Variants in DOK7 observed in about 807,000 individuals in gnomAD.
DOK7 encodes the protein protein Dok-7.
Under a neutral mutation model 30.7 loss-of-function variants are expected in DOK7, and 32 were observed. That is an observed-to-expected ratio of 1.04 (90% CI 0.79 to 1.40). DOK7 has a LOEUF of 1.40. Among genes scored for constraint, DOK7 ranks in the 40% most tolerant of loss-of-function variants. The pLI is 0.00. For missense variants in DOK7, 1,007 were observed against 699.2 expected (o/e 1.44, Z -4.97); for synonymous variants, 447 against 324.1 (o/e 1.38, Z -4.07).
chr4:3,492,932 A>G lies in DOK7; in HGVS notation c.946A>G (p.Arg316Gly), dbSNP rs898373845. ...CGGGGAAGCCATGGTGGGTGCCTCA[A>G]GGCCACCCCCCAAGCCGCTGCGTCC... ...AAGEAMVGASRPPPKPLRPRQ... is the reference protein window; with the variant it reads ...AAGEAMVGASGPPPKPLRPRQ... Residue 316 changes from arginine (R) to glycine (G), a missense_variant, in exon 7 of 7, where the codon AGG becomes GGG. Transcript: ENST00000340083. 2.6e-5 allele frequency: 40 copies of G among 1,559,038 alleles called. No individual in the cohort carries two copies. Among genetic ancestry groups the G allele is most frequent in the Non-Finnish European group, 3.3e-5 (38 of 1,155,476 alleles).
chr4:3,467,594 C>T (rs1362029232), intron 2 of DOK7, among the ~76,000 whole-genome samples: 1 of 151,854 alleles, frequency 6.6e-6, no homozygotes, highest in East Asian at 1.9e-4. Context: ...TACATGTGCA[C>T]CTGTACACAC....
chr4:3,500,330 C>T lies in DOK7; in HGVS notation c.1188C>T (p.Pro396=), dbSNP rs143778632. ...AGTCGCCCACTTACGTGAACATCCC[C>T]GTCAGCCCATCCTCCAGAAAGCAGC... Residue 396 remains proline, a synonymous_variant, in exon 7 of 8, where the codon CCC becomes CCT. Coordinates refer to the DOK7 transcript ENST00000643608. 20,869 of 1,535,922 alleles carry T rather than the reference C, an allele frequency of 0.014. 189 individuals carry two copies. Among genetic ancestry groups the T allele is most frequent in the Non-Finnish European group, 0.016 (18,317 of 1,146,798 alleles).
chr4:3,484,660 C>A (rs574040605), intron 4 of DOK7: 4 of 985,592 alleles, frequency 4.1e-6, no homozygotes, highest in South Asian at 9.4e-5. Flanking sequence ...TGACGCTGGG[C>A]TGGTCCCTGG....
At position 3,493,674 on chromosome 4, in the gene DOK7, G is replaced by T; in HGVS notation, c.*173G>T. 2 of 1,451,006 alleles carry T rather than the reference G, an allele frequency of 1.4e-6. No homozygotes were observed. The highest frequency in any genetic ancestry group is 1.8e-6 in the Non-Finnish European group (2 of 1,102,242). The allele number at this position is 1,451,006 out of a possible 1,614,324, so 89.9% of individuals were successfully genotyped here. On this transcript the variant is annotated 3_prime_UTR_variant, in exon 7 of 7. Coordinates refer to ENST00000340083, the MANE Select transcript of DOK7 (RefSeq NM_173660.5). ...CCCTGTGGCTGCCACCGGAGGAAGG[G>T]GCTGACTTGGGGAGGTGAGTTCTGG...
chr4:3,500,150 G>GAGGAGGGGCT, intron 6 of DOK7: 1 of 1,384,490 alleles, frequency 7.2e-7, no homozygotes, highest in East Asian at 2.5e-5. Flanking sequence ...GCGGAGTGGG[G>GAGGAGGGGCT]AGGAGGGGCT....
At chr4:3,496,624 G>A (rs551835965), downstream of DOK7, among the ~76,000 whole-genome samples, 27 of 152,274 alleles carry the variant, frequency 1.8e-4, no homozygotes, top group South Asian at 3.3e-3. Context: ...TGGGTGGCCC[G>A]GAGATCTGGG....
Position 3,478,649 on chromosome 4 carries a change from G to A in DOK7, c.532+2107G>A, listed in dbSNP as rs944606070. On this transcript the variant is annotated intron_variant, in intron 4 of 6. Transcript: ENST00000340083. Reference sequence around the variant, plus strand: ...CTCAGTGCTGAATGTTCTCGTCCCCGGTGGTACCCTGGCCTGAGAGAGGAA... The same window carrying A: ...CTCAGTGCTGAATGTTCTCGTCCCCAGTGGTACCCTGGCCTGAGAGAGGAA... Among the ~76,000 whole-genome samples, 4 of 98,156 alleles carry A rather than the reference G, an allele frequency of 4.1e-5. No homozygotes were observed. The South Asian group carries it at 1.1e-3, about 26-fold the overall frequency. The allele number at this position is 98,156 out of a possible 152,430, so 64.4% of individuals were successfully genotyped here.
At chr4:3,499,245 C>A (rs1338707236), downstream of DOK7, among the ~76,000 whole-genome samples, 1 of 152,192 alleles carries the variant, frequency 6.6e-6, no homozygotes, top group African/African-American at 2.4e-5. Flanking sequence ...TGGATCCCAG[C>A]CCCCACCTGA....
intron 2 of DOK7, among the ~76,000 whole-genome samples, chr4:3,464,302 G>C (rs1726147464): frequency 6.6e-6 from 1 of 152,214 alleles, no homozygotes; most frequent in South Asian, 2.1e-4. Context: ...ACGGGTGTCT[G>C]TGACTCCCAG....
chr4:3,473,258 C>A (rs553285053), intron 2 of DOK7, 148 bp from the exon 3 acceptor site: 2 of 706,964 alleles, frequency 2.8e-6, no homozygotes, highest in African/African-American at 1.8e-5. Flanking sequence ...TTTTGTATGC[C>A]GGGAGTCGAA....
chr4:3,465,926 C>T (rs568935395), intron 2 of DOK7, among the ~76,000 whole-genome samples: 1 of 152,214 alleles, frequency 6.6e-6, no homozygotes, highest in Admixed American at 6.5e-5. Context: ...TCTTCTTCCT[C>T]CCAGGTGCGG....
In DOK7 at chr4:3,485,601, A is replaced by G; in HGVS notation, c.595A>G (p.Ile199Val). The change falls in exon 5 of 7, where the codon ATC becomes GTC. Residue 199 changes from isoleucine to valine, a missense_variant. Ile to Val is a conservative substitution (Grantham distance 29, BLOSUM62 3). Transcript: ENST00000340083. ...GEQISFLFDC[I>V]VRGISPTKGP... Reference sequence around the variant, plus strand: ...GCAGATCAGCTTCCTGTTCGACTGCATCGTCCGAGGCATCTCCCCCACCAA... The same window carrying G: ...GCAGATCAGCTTCCTGTTCGACTGCGTCGTCCGAGGCATCTCCCCCACCAA... 1 of 1,607,734 alleles carries G rather than the reference A, an allele frequency of 6.2e-7. No homozygotes were observed. Among genetic ancestry groups the G allele is most frequent in the Non-Finnish European group, 8.5e-7 (1 of 1,176,882 alleles).
At chr4:3,483,545 C>T (rs1227524554) in intron 4 of DOK7, among the ~76,000 whole-genome samples, 6 of 152,178 alleles carry the variant, frequency 3.9e-5, no homozygotes, top group East Asian at 1.9e-4. Flanking sequence ...CCGAGGCTGG[C>T]GGTGGGCTGT....
intron 2 of DOK7, among the ~76,000 whole-genome samples, chr4:3,468,889 G>C (rs904656917): frequency 1.4e-4 from 20 of 147,368 alleles, no homozygotes; most frequent in African/African-American, 5.0e-4. Flanking sequence ...GAGTGTGCCT[G>C]TGTATGTGTG....
In DOK7 at chr4:3,493,614, C is replaced by A; in HGVS notation, c.*113C>A. On this transcript the variant is annotated 3_prime_UTR_variant, in exon 7 of 7. Coordinates refer to ENST00000340083, the MANE Select transcript of DOK7 (RefSeq NM_173660.5). Reference sequence around the variant, plus strand: ...GTGCTCTGTGTTCTGTGGGAGGGACCGGGGGTCTCCCGGAGAGGGGAGCTG... The same window carrying A: ...GTGCTCTGTGTTCTGTGGGAGGGACAGGGGGTCTCCCGGAGAGGGGAGCTG... 1 of 1,507,342 alleles carries A rather than the reference C, an allele frequency of 6.6e-7. No homozygotes were observed. Among genetic ancestry groups the A allele is most frequent in the Non-Finnish European group, 8.9e-7 (1 of 1,125,226 alleles). The allele number at this position is 1,507,342 out of a possible 1,614,324, so 93.4% of individuals were successfully genotyped here. A position where few individuals can be genotyped will look rare whatever the true frequency, so the allele number is the denominator to read the frequency against.
downstream of DOK7, among the ~76,000 whole-genome samples, chr4:3,494,997 G>A (rs1728826978): frequency 1.3e-5 from 2 of 152,224 alleles, no homozygotes; most frequent in Admixed American, 6.5e-5. Context: ...ACTCTGAGCG[G>A]GGAGTTCTGG....
rs1728421733 is a variant in DOK7, at chr4:3,491,381, C to CATTCATTCCTTCCTTCTCCCCCT, written c.773-1378_773-1377insATTCATTCCTTCCTTCTCCCCCT. On this transcript the variant is annotated intron_variant, in intron 6 of 6. Coordinates refer to ENST00000340083, the MANE Select transcript of DOK7 (RefSeq NM_173660.5). ...CCTTCCTTCCTCTGCTCCCCCTGCT[C>CATTCATTCCTTCCTTCTCCCCCT]GTTCATTCCTTCCTGCTCACCCCAG... Among the ~76,000 whole-genome samples, 42 of 140,334 alleles carry CATTCATTCCTTCCTTCTCCCCCT rather than the reference C, an allele frequency of 3.0e-4. No individual in the cohort carries two copies. The South Asian group carries it at 0.011, about 35-fold the overall frequency. 92.1% of individuals were successfully genotyped at this position (140,334 alleles called of 152,430 possible).
At chr4:3,480,574 G>A (rs139652427) in intron 4 of DOK7, among the ~76,000 whole-genome samples, 1 of 152,196 alleles carries the variant, frequency 6.6e-6, no homozygotes, top group Non-Finnish European at 1.5e-5. Context: ...CGCCATTGCA[G>A]TCCAGCCAAG....
At chr4:3,495,227 C>T (rs894266348), downstream of DOK7, among the ~76,000 whole-genome samples, 3 of 152,242 alleles carry the variant, frequency 2.0e-5, no homozygotes, top group African/African-American at 4.8e-5. Flanking sequence ...TCACCATTAC[C>T]CCTGCTGCTG....
Sources: allele counts gnomAD v4.1 joint callset (sites outside exome capture counted in the v4.1 genomes callset), GRCh38; gene constraint gnomAD v4.1.1; transcripts MANE v1.5; gene names NCBI Gene and HGNC (gene_info 2026-07-23, HGNC 2026-07-21).